Variants in NTF4 observed in about 807,000 individuals in gnomAD.
NTF4 encodes the protein neurotrophin 4.
A neutral mutation model predicts 4.4 loss-of-function variants in NTF4; 2 were observed. That is an observed-to-expected ratio of 0.46 (90% CI 0.19 to 1.44). The LOEUF (loss-of-function observed/expected upper bound fraction) is 1.44. Ranked by LOEUF, NTF4 falls within the 40% of genes most tolerant of loss-of-function variation. The pLI is 0.26. For synonymous variants in NTF4, 127 were observed against 122.0 expected (o/e 1.04, Z -0.27); for missense variants, 260 against 293.0 (o/e 0.89, Z 0.82).
At chr19:49,061,027 T>C (rs766655144), downstream of NTF4, 10 of 349,600 alleles carry the variant, frequency 2.9e-5, no homozygotes, top group Non-Finnish European at 4.9e-5. The surrounding 1 kb of genome is among the most constrained non-coding windows in gnomAD (Gnocchi z 4.9). Flanking sequence ...TGAGACTGAG[T>C]AGTCAGCAAC....
upstream of NTF4, among the ~76,000 whole-genome samples, chr19:49,062,368 A>G (rs562431742): frequency 6.6e-6 from 1 of 152,166 alleles, no homozygotes; most frequent in Non-Finnish European, 1.5e-5. Context: ...CACGCCTGTA[A>G]TCCCAGCTAC....
At chr19:49,062,074 T>C, upstream of NTF4, 1 of 1,418,348 alleles carries the variant, frequency 7.1e-7, no homozygotes, top group Non-Finnish European at 9.2e-7. Context: ...GGGAAAGAAG[T>C]TGGGAACCCC....
chr19:49,061,367 AGGCCC>A lies in NTF4; in HGVS notation c.626_630del (p.Arg209LeufsTer22). On this transcript the variant is annotated frameshift_variant, in exon 1 of 1. Coordinates refer to ENST00000593537, the Ensembl canonical transcript of NTF4. LOFTEE classifies it high-confidence loss of function. This position sits in a 1 kb window ranked among gnomAD's most constrained non-coding sequence, Gnocchi z 4.9. ...TGTTATTTTCCTGGGCATGGGTCTC[AGGCCC>A]GGCCAGTCCGGCTGAGGAGTGTGCA... is the stretch of plus-strand genomic sequence containing the variant. 1 of 1,612,110 alleles carries A rather than the reference AGGCCC, an allele frequency of 6.2e-7. No homozygotes were observed. The highest frequency in any genetic ancestry group is 8.5e-7 in the Non-Finnish European group (1 of 1,180,012).
chr19:49,059,282 G>C (rs750116129), downstream of NTF4, among the ~76,000 whole-genome samples: 51 of 152,166 alleles, frequency 3.4e-4, no homozygotes, highest in Non-Finnish European at 7.1e-4. Flanking sequence ...TGTCCTGCCT[G>C]CCTTTGATTT....
At position 49,061,719 on chromosome 19, in the gene NTF4, C is replaced by T. The variant is rs1216842536; in HGVS notation, c.279G>A (p.Glu93=). 3.7e-6 allele frequency: 6 copies of T among 1,613,040 alleles called. No homozygotes were observed. The highest frequency in any genetic ancestry group is 5.1e-6 in the Non-Finnish European group (6 of 1,179,732). Residue 93 remains glutamate, a synonymous_variant, in exon 1 of 1, where the codon GAG becomes GAA. Coordinates refer to ENST00000593537, the Ensembl canonical transcript of NTF4. This position sits in a 1 kb window ranked among gnomAD's most constrained non-coding sequence, Gnocchi z 4.9. ...CACTGACTGCATCGCACACAGCCAG[C>T]TCACCCCGACGACTCGCTGGTGCAG...
At position 49,061,238 on chromosome 19, in the gene NTF4, A is replaced by G; in HGVS notation, c.*127T>C. The G allele has an allele frequency of 6.6e-7, 1 of 1,523,466 alleles. No homozygotes were observed. The highest frequency in any genetic ancestry group is 1.2e-5 in the South Asian group (1 of 82,892). 94.4% of individuals were successfully genotyped at this position (1,523,466 alleles called of 1,614,324 possible). A position where few individuals can be genotyped will look rare whatever the true frequency, so the allele number is the denominator to read the frequency against. On this transcript the variant is annotated 3_prime_UTR_variant, in exon 1 of 1. Coordinates refer to ENST00000593537, the Ensembl canonical transcript of NTF4. The surrounding 1 kb of genome is among the most constrained non-coding windows in gnomAD (Gnocchi z 4.9). ...GGTTTCACCCATCCTGCAGAGATTG[A>G]GCTCAAAATCAGAGAATTGTGATTT...
Position 49,061,725 on chromosome 19 carries a change from C to T in NTF4, c.273G>A (p.Arg91=). The stretch of plus-strand genomic sequence containing the variant: ...CTGCATCGCACACAGCCAGCTCACC[C>T]CGACGACTCGCTGGTGCAGTTTCGC... The change falls in exon 1 of 1, where the codon CGG becomes CGA. Residue 91 remains arginine, a synonymous_variant. Coordinates refer to ENST00000593537, the Ensembl canonical transcript of NTF4. The surrounding 1 kb of genome is among the most constrained non-coding windows in gnomAD (Gnocchi z 4.9). The T allele has an allele frequency of 6.2e-7, 1 of 1,612,790 alleles. No homozygotes were observed. Among genetic ancestry groups the T allele is most frequent in the Non-Finnish European group, 8.5e-7 (1 of 1,179,648 alleles).
At chr19:49,062,779 C>T (rs924084958), upstream of NTF4, among the ~76,000 whole-genome samples, 18 of 151,884 alleles carry the variant, frequency 1.2e-4, no homozygotes, top group South Asian at 2.1e-4. Flanking sequence ...AGCGAAACTC[C>T]GTCTTAAAAA....
chr19:49,059,407 C>G (rs534477805), downstream of NTF4, among the ~76,000 whole-genome samples: 6 of 152,104 alleles, frequency 3.9e-5, no homozygotes, highest in South Asian at 1.2e-3. Flanking sequence ...ATAAATACAA[C>G]AAGAAAGGGG....
At chr19:49,062,457 C>A (rs986988796), upstream of NTF4, among the ~76,000 whole-genome samples, 2 of 152,158 alleles carry the variant, frequency 1.3e-5, no homozygotes, top group Non-Finnish European at 2.9e-5. Flanking sequence ...CACTCCCCTG[C>A]CACCTGGGCG....
Position 49,061,408 on chromosome 19 carries a change from GTGTCAA to G in NTF4, c.584_589del (p.Ile195_Asp196del). The G allele has an allele frequency of 6.2e-7, 1 of 1,613,524 alleles. No individual in the cohort carries two copies. Among genetic ancestry groups the G allele is most frequent in the Non-Finnish European group, 8.5e-7 (1 of 1,180,026 alleles). On this transcript the variant is annotated inframe_deletion, in exon 1 of 1. Transcript: ENST00000593537. This position sits in a 1 kb window ranked among gnomAD's most constrained non-coding sequence, Gnocchi z 4.9. ...GCTGAGGAGTGTGCAGACGCAGGCA[GTGTCAA>G]TTCGAATCCATCGCCAGCCCACACG...
At position 49,061,688 on chromosome 19, in the gene NTF4, C is replaced by T. The variant is rs775118459; in HGVS notation, c.310G>A (p.Val104Met). 1.2e-6 allele frequency: 2 copies of T among 1,613,428 alleles called. No individual in the cohort carries two copies. The highest frequency in any genetic ancestry group is 1.7e-5 in the Admixed American group (1 of 60,016). The change falls in exon 1 of 1, where the codon GTG (valine) becomes ATG (methionine). Residue 104 changes from valine to methionine, a missense_variant. Coordinates refer to ENST00000593537, the Ensembl canonical transcript of NTF4. This position sits in a 1 kb window ranked among gnomAD's most constrained non-coding sequence, Gnocchi z 4.9. ...TCCACAGCGGTCCGGCGGTCTGTCA[C>T]CCAGCCACTGACTGCATCGCACACA...
upstream of NTF4, chr19:49,064,339 G>C (rs1295958275): frequency 6.5e-6 from 1 of 153,622 alleles, no homozygotes. Context: ...AAGGAGCCCA[G>C]GCTGACCCAA....
upstream of NTF4, among the ~76,000 whole-genome samples, chr19:49,062,442 T>C (rs1315957964): frequency 6.6e-6 from 1 of 151,608 alleles, no homozygotes; most frequent in Non-Finnish European, 1.5e-5. Context: ...GAGCAGAGAG[T>C]GCACCACTCC....
At position 49,061,078 on chromosome 19, in the gene NTF4, G is replaced by T. The variant is rs1022399005; in HGVS notation, c.*287C>A. 1.4e-5 allele frequency: 7 copies of T among 492,748 alleles called. No individual in the cohort carries two copies. The highest frequency in any genetic ancestry group is 1.4e-4 in the African/African-American group (7 of 51,392). The allele number at this position is 492,748 out of a possible 1,614,324, so 30.5% of individuals were successfully genotyped here. ...ACCAATGATCAAATCCATGAGAGTT[G>T]ATCTGAGGAGTTATGTATTAGGGAT... On this transcript the variant is annotated 3_prime_UTR_variant, in exon 1 of 1. Coordinates refer to ENST00000593537, the Ensembl canonical transcript of NTF4. The surrounding 1 kb of genome is among the most constrained non-coding windows in gnomAD (Gnocchi z 4.9).
chr19:49,062,286 C>T (rs920179820), upstream of NTF4, among the ~76,000 whole-genome samples: 2 of 152,060 alleles, frequency 1.3e-5, no homozygotes, highest in Non-Finnish European at 2.9e-5. Context: ...TCAGGAGTTC[C>T]AGAGCAGCCT....
At chr19:49,059,359 G>A (rs867044889), downstream of NTF4, among the ~76,000 whole-genome samples, 35 of 152,086 alleles carry the variant, frequency 2.3e-4, no homozygotes, top group Non-Finnish European at 4.3e-4. Flanking sequence ...GAAGTGCACC[G>A]GACCATAGCG....
chr19:49,061,377 A>T lies in NTF4; in HGVS notation c.621T>A (p.Thr207=). ...CTGGGCATGGGTCTCAGGCCCGGCC[A>T]GTCCGGCTGAGGAGTGTGCAGACGC... Residue 207 remains threonine, a synonymous_variant, in exon 1 of 1, where the codon ACT becomes ACA. Coordinates refer to ENST00000593537, the Ensembl canonical transcript of NTF4. The surrounding 1 kb of genome is among the most constrained non-coding windows in gnomAD (Gnocchi z 4.9). The T allele has an allele frequency of 6.2e-7, 1 of 1,612,408 alleles. No homozygotes were observed. The highest frequency in any genetic ancestry group is 8.5e-7 in the Non-Finnish European group (1 of 1,180,020).
At position 49,061,397 on chromosome 19, in the gene NTF4, A is replaced by C. The variant is rs1256187648; in HGVS notation, c.601T>G (p.Cys201Gly). ...CGGCCAGTCCGGCTGAGGAGTGTGC[A>C]GACGCAGGCAGTGTCAATTCGAATC... is the stretch of plus-strand genomic sequence containing the variant. Residue 201 changes from cysteine (C) to glycine (G), a missense_variant, in exon 1 of 1, where the codon TGC becomes GGC. Transcript: ENST00000593537. The surrounding 1 kb of genome is among the most constrained non-coding windows in gnomAD (Gnocchi z 4.9). 1 of 1,612,966 alleles carries C rather than the reference A, an allele frequency of 6.2e-7. No individual in the cohort carries two copies. Among genetic ancestry groups the C allele is most frequent in the African/African-American group, 1.3e-5 (1 of 74,892 alleles).
Sources: allele counts gnomAD v4.1 joint callset (sites outside exome capture counted in the v4.1 genomes callset), GRCh38; gene constraint gnomAD v4.1.1; non-coding constraint Gnocchi (gnomAD v3.1); transcripts MANE v1.5; gene names NCBI Gene and HGNC (gene_info 2026-07-23, HGNC 2026-07-21).